Variants in PAPOLG observed in about 807,000 individuals in gnomAD.
The protein encoded by PAPOLG is poly(A) polymerase gamma, also known as PAP-gamma.
A neutral mutation model predicts 99.0 loss-of-function variants in PAPOLG; 40 were observed. The ratio of observed to expected loss-of-function variants is 0.40; its 90% CI spans 0.31 to 0.53. PAPOLG has a LOEUF of 0.53. Ranked by LOEUF, PAPOLG falls within the 20% of genes least tolerant of loss-of-function variation. PAPOLG has a pLI of 0.41. For missense variants in PAPOLG, 675 were observed against 884.1 expected (o/e 0.76, Z 3.00); for synonymous variants, 310 against 299.3 (o/e 1.04, Z -0.37).
intron 15 of PAPOLG, among the ~76,000 whole-genome samples, chr2:60,789,125 A>G (rs1671454726): frequency 6.6e-6 from 1 of 152,058 alleles, no homozygotes; most frequent in African/African-American, 2.4e-5. Context: ...GGAACTGAAC[A>G]ATGAGAATAC....
chr2:60,775,327 C>G (rs771090945), intron 8 of PAPOLG, among the ~76,000 whole-genome samples: 2 of 152,188 alleles, frequency 1.3e-5, no homozygotes, highest in Non-Finnish European at 2.9e-5. Flanking sequence ...TGGGTAAAAA[C>G]TTAAAGCCCT....
intron 16 of PAPOLG, 57 bp from the exon 17 acceptor site, chr2:60,792,072 C>G: frequency 6.5e-7 from 1 of 1,527,768 alleles, no homozygotes; most frequent in South Asian, 1.3e-5. Context: ...AGAATTGAAA[C>G]CAGTCTTTAT....
At chr2:60,787,414 T>C (rs569039008) in intron 14 of PAPOLG, 97 bp from the exon 15 acceptor site, 165 of 1,391,006 alleles carry the variant, frequency 1.2e-4, no homozygotes, top group South Asian at 3.2e-4. Flanking sequence ...ATTTGTGAGA[T>C]AGAGACATAG....
At chr2:60,782,650 CTTCTTT>C in intron 11 of PAPOLG, 30 bp from the exon 12 acceptor site, 1 of 1,236,804 alleles carries the variant, frequency 8.1e-7, no homozygotes, top group South Asian at 1.6e-5. Context: ...AATCATTCTT[CTTCTTT>C]TTTTTTTTTT....
At chr2:60,793,594 C>A (rs746369842) in intron 17 of PAPOLG, 33 bp from the exon 18 acceptor site, 5 of 1,605,740 alleles carry the variant, frequency 3.1e-6, no homozygotes, top group Non-Finnish European at 4.3e-6. Context: ...ATATTTAAAT[C>A]ATTTATTGAT....
Position 60,780,689 on chromosome 2 carries a change from T to G in PAPOLG, c.834-18T>G. On this transcript the variant is annotated intron_variant, in intron 9 of 21. Coordinates refer to ENST00000238714, the MANE Select transcript of PAPOLG (RefSeq NM_022894.4). ...GAAGTGAGATCATGTGTAAGTTAAT[T>G]TGCCTTATTCATGTCAGGGAATGGC... 1.9e-6 allele frequency: 3 copies of G among 1,613,102 alleles called. No individual in the cohort carries two copies. Among genetic ancestry groups the G allele is most frequent in the Non-Finnish European group, 2.5e-6 (3 of 1,179,280 alleles).
chr2:60,768,387 C>A, intron 3 of PAPOLG, 83 bp from the exon 4 acceptor site: 1 of 1,405,872 alleles, frequency 7.1e-7, no homozygotes, highest in Non-Finnish European at 9.9e-7. Flanking sequence ...CAAGTGTGAG[C>A]CACCATGCCC....
chr2:60,786,075 C>T (rs1348094505), intron 13 of PAPOLG, among the ~76,000 whole-genome samples: 3 of 151,972 alleles, frequency 2.0e-5, no homozygotes, highest in Non-Finnish European at 4.4e-5. Flanking sequence ...ATATATTGGG[C>T]TGAAATTTTT....
chr2:60,793,234 G>C (rs1433218787), intron 17 of PAPOLG, among the ~76,000 whole-genome samples: 1 of 139,230 alleles, frequency 7.2e-6, no homozygotes, highest in Non-Finnish European at 1.5e-5. Context: ...AAAAAAAGCA[G>C]TGGTAAATGT....
At position 60,776,985 on chromosome 2, in the gene PAPOLG, G is replaced by T. The variant is rs371128371; in HGVS notation, c.694+1862G>T. Reference sequence around the variant, plus strand: ...TGTTGCACTTCTAGTTGTGGAGATGGCTTCTTTCTTTAAACCTTATGAACC... The same window carrying T: ...TGTTGCACTTCTAGTTGTGGAGATGTCTTCTTTCTTTAAACCTTATGAACC... On this transcript the variant is annotated intron_variant, in intron 8 of 21. Transcript: ENST00000238714. 5.3e-5 allele frequency among the ~76,000 whole-genome samples: 8 copies of T among 152,292 alleles called. No individual in the cohort carries two copies. The East Asian group carries it at 7.7e-4, about 15-fold the overall frequency.
intron 9 of PAPOLG, 130 bp downstream of exon 9, chr2:60,779,905 A>T: frequency 1.2e-6 from 1 of 815,966 alleles, no homozygotes; most frequent in Non-Finnish European, 1.8e-6. Context: ...GAAAGTATAA[A>T]ACATCAACTT....
At chr2:60,774,041 G>A (rs1039835321) in intron 7 of PAPOLG, among the ~76,000 whole-genome samples, 1 of 152,106 alleles carries the variant, frequency 6.6e-6, no homozygotes, top group Non-Finnish European at 1.5e-5. Flanking sequence ...CAAGTGTGTG[G>A]TGGTGAAGAT....
At chr2:60,770,635 T>G (rs10187671) in intron 6 of PAPOLG, 124 bp downstream of exon 6, 2 of 538,822 alleles carry the variant, frequency 3.7e-6, no homozygotes, top group Non-Finnish European at 6.3e-6. Context: ...TTTTTTTTTT[T>G]AATGAAGAGA....
rs1010323040 is a variant in PAPOLG, at chr2:60,782,547, A to G, written c.1028-139A>G. Reference sequence around the variant, plus strand: ...ACTCCAGCCTGGGTGACAGAGTGAGACTCTGTCTCAAAAAAAGAAAAAAAA... The same window carrying G: ...ACTCCAGCCTGGGTGACAGAGTGAGGCTCTGTCTCAAAAAAAGAAAAAAAA... On this transcript the variant is annotated intron_variant, in intron 11 of 21. Coordinates refer to ENST00000238714, the MANE Select transcript of PAPOLG (RefSeq NM_022894.4). 8.5e-6 allele frequency: 11 copies of G among 1,297,462 alleles called. 1 individual carries two copies. In the Middle Eastern group the frequency reaches 1.1e-3, roughly 135 times the overall value. The allele number at this position is 1,297,462 out of a possible 1,614,324, so 80.4% of individuals were successfully genotyped here. A position where few individuals can be genotyped will look rare whatever the true frequency, so the allele number is the denominator to read the frequency against.
At chr2:60,770,430 G>A in intron 5 of PAPOLG, 28 bp from the exon 6 acceptor site, 1 of 1,569,822 alleles carries the variant, frequency 6.4e-7, no homozygotes, top group Non-Finnish European at 8.6e-7. Context: ...TTACACCTAT[G>A]TGTTATAATT....
rs1009598737 is a variant in PAPOLG at position 60,800,441 on chromosome 2, C to G, written c.*3281C>G. 8 of 152,396 alleles carry G rather than the reference C, an allele frequency of 5.2e-5. No homozygotes were observed. The highest frequency in any genetic ancestry group is 1.9e-4 in the African/African-American group (8 of 41,570). The allele number at this position is 152,396 out of a possible 1,614,324, so 9.4% of individuals were successfully genotyped here. On this transcript the variant is annotated 3_prime_UTR_variant, in exon 22 of 22. Transcript: ENST00000238714. ...CAAGTGATCTGGCTGCTTCGGCCAC[C>G]CTAAGTGCTGGGATTACAGGCATAA...
At chr2:60,757,432 G>C (rs1670382014) in intron 1 of PAPOLG, among the ~76,000 whole-genome samples, 1 of 151,778 alleles carries the variant, frequency 6.6e-6, no homozygotes, top group African/African-American at 2.4e-5. Flanking sequence ...TTCCGCCCTC[G>C]AATCATGGGA....
Position 60,799,390 on chromosome 2 carries a change from T to C in PAPOLG, c.*2230T>C, listed in dbSNP as rs1295325059. 1 of 152,386 alleles carries C rather than the reference T, an allele frequency of 6.6e-6. No homozygotes were observed. The highest frequency in any genetic ancestry group is 1.5e-5 in the Non-Finnish European group (1 of 68,046). The allele number at this position is 152,386 out of a possible 1,614,324, so 9.4% of individuals were successfully genotyped here. On this transcript the variant is annotated 3_prime_UTR_variant, in exon 22 of 22. Coordinates refer to ENST00000238714, the MANE Select transcript of PAPOLG (RefSeq NM_022894.4). ...ACATTAGAGTCCTCAAAGATAGCAT[T>C]CTTCAACCTGTTTGGTAACTGAGGA...
At chr2:60,767,070 G>C (rs1224370419) in intron 3 of PAPOLG, among the ~76,000 whole-genome samples, 1 of 152,188 alleles carries the variant, frequency 6.6e-6, no homozygotes, top group African/African-American at 2.4e-5. Flanking sequence ...CCTAGAATTA[G>C]GGGAGTAGTC....
Sources: gnomAD v4.1 joint callset for allele counts (sites outside exome capture counted in the v4.1 genomes callset) on GRCh38, gnomAD v4.1.1 for gene constraint, MANE v1.5 for transcripts, NCBI Gene and HGNC (gene_info 2026-07-23, HGNC 2026-07-21) for gene names.